INSC: variants seen among roughly 807,000 people sequenced by gnomAD.
INSC encodes the protein INSC spindle orientation adaptor protein, also known as protein inscuteable homolog.
Under a neutral mutation model 58.6 loss-of-function variants are expected in INSC, and 67 were observed. The ratio of observed to expected loss-of-function variants is 1.14; its 90% confidence interval spans 0.94 to 1.40. The LOEUF (loss-of-function observed/expected upper bound fraction) is 1.40, where lower values mean the gene tolerates loss of function less well. Among genes scored for constraint, INSC ranks in the 40% most tolerant of loss-of-function variants. INSC has a pLI of 0.00. For missense variants in INSC, 714 were observed against 692.0 expected (o/e 1.03, Z -0.36); for synonymous variants, 262 against 276.1 (o/e 0.95, Z 0.51).
chr11:15,237,819 C>T (rs1356460964), intron 10 of INSC, among the ~76,000 whole-genome samples: 1 of 152,100 alleles, frequency 6.6e-6, no homozygotes, highest in African/African-American at 2.4e-5. Context: ...ATTTGTTGTG[C>T]AGAAATGAGG....
intron 2 of INSC, among the ~76,000 whole-genome samples, chr11:15,157,796 G>A (rs1848867990): frequency 6.6e-6 from 1 of 152,236 alleles, no homozygotes; most frequent in East Asian, 1.9e-4. Context: ...GTGGGGCCAT[G>A]TGGGATTCAC....
chr11:15,143,259 G>A (rs778305095), intron 1 of INSC, among the ~76,000 whole-genome samples: 2 of 152,166 alleles, frequency 1.3e-5, no homozygotes, highest in Admixed American at 1.3e-4. Flanking sequence ...GAAATACCGA[G>A]GGGACTAGGG....
At chr11:15,132,119 G>C (rs1353140187) in intron 1 of INSC, among the ~76,000 whole-genome samples, 2 of 151,746 alleles carry the variant, frequency 1.3e-5, no homozygotes, top group African/African-American at 4.8e-5. Flanking sequence ...GGATATTATA[G>C]CATTAATAAT....
intron 12 of INSC, among the ~76,000 whole-genome samples, chr11:15,244,852 G>C (rs768570741): frequency 2.0e-5 from 3 of 152,122 alleles, no homozygotes; most frequent in South Asian, 2.1e-4. Context: ...TATATGCTCA[G>C]GAAGAGGGAA....
At chr11:15,156,207 GC>G (rs1252002908) in intron 2 of INSC, among the ~76,000 whole-genome samples, 8 of 152,168 alleles carry the variant, frequency 5.3e-5, no homozygotes, top group African/African-American at 1.9e-4. Context: ...TTGAAAACAT[GC>G]ACCCCAATTT....
chr11:15,194,025 TC>T (rs887026864), intron 6 of INSC, among the ~76,000 whole-genome samples: 31 of 152,246 alleles, frequency 2.0e-4, no homozygotes, highest in African/African-American at 7.2e-4. Context: ...CTGTAGCCAC[TC>T]CAATACTACA....
intron 7 of INSC, among the ~76,000 whole-genome samples, chr11:15,217,924 A>G (rs1851282306): frequency 6.6e-6 from 1 of 152,210 alleles, no homozygotes; most frequent in Non-Finnish European, 1.5e-5. Flanking sequence ...GTGATTATGT[A>G]TTGCTGGTGG....
intron 6 of INSC, among the ~76,000 whole-genome samples, chr11:15,194,600 AC>A (rs1343127029): frequency 6.6e-6 from 1 of 152,234 alleles, no homozygotes; most frequent in African/African-American, 2.4e-5. Context: ...GCAATAGCTA[AC>A]ATTTGAGTGT....
chr11:15,171,882 A>T (rs1849413264), intron 2 of INSC, among the ~76,000 whole-genome samples: 1 of 152,202 alleles, frequency 6.6e-6, no homozygotes, highest in Admixed American at 6.5e-5. Context: ...ATTTGGGGCA[A>T]GGAATTGGAT....
At chr11:15,215,291 A>G (rs1459956046) in intron 7 of INSC, among the ~76,000 whole-genome samples, 1 of 152,196 alleles carries the variant, frequency 6.6e-6, no homozygotes, top group Non-Finnish European at 1.5e-5. Context: ...CTTTGATTAG[A>G]TTGTTCTCTT....
At chr11:15,193,936 A>AACC (rs34781404) in intron 6 of INSC, among the ~76,000 whole-genome samples, 33,776 of 152,032 alleles carry the variant, frequency 0.22, 4,718 homozygotes, top group East Asian at 0.71. Flanking sequence ...AACTGATGCC[A>AACC]ACCACATTAA....
At chr11:15,265,735 C>T in the INSC span, among the ~76,000 whole-genome samples, 1 of 149,700 alleles carries the variant, frequency 6.7e-6, no homozygotes, top group African/African-American at 2.5e-5. Context: ...TTTGTACATT[C>T]TCTCTATTAT....
At chr11:15,168,010 T>C (rs1849261784) in intron 2 of INSC, among the ~76,000 whole-genome samples, 1 of 152,166 alleles carries the variant, frequency 6.6e-6, no homozygotes, top group Non-Finnish European at 1.5e-5. Flanking sequence ...TCATCTTCCT[T>C]TGCCCATAGC....
At chr11:15,236,365 TA>T (rs112956879) in intron 10 of INSC, among the ~76,000 whole-genome samples, 12,622 of 151,980 alleles carry the variant, frequency 0.083, 1,115 homozygotes, top group African/African-American at 0.23. Context: ...GATCCTCAAA[TA>T]AAAAAAATCT....
chr11:15,192,960 C>A (rs192152884), intron 6 of INSC, among the ~76,000 whole-genome samples: 2 of 152,256 alleles, frequency 1.3e-5, no homozygotes, highest in Admixed American at 1.3e-4. Flanking sequence ...TCATGTAATT[C>A]TCATGATTCT....
rs1851447931 is a variant in INSC at position 15,221,660 on chromosome 11, T to C, written c.991+12T>C. On this transcript the variant is annotated intron_variant, in intron 8 of 12. Transcript: ENST00000379556. ...GACAGCCCTCGTCAGTGAGTCACCC[T>C]GGGCAGCGGGACCACTAGGAGAGAG... 3 of 1,602,592 alleles carry C rather than the reference T, an allele frequency of 1.9e-6. No homozygotes were observed. The Admixed American group carries it at 5.1e-5, about 27-fold the overall frequency.
intron 6 of INSC, among the ~76,000 whole-genome samples, chr11:15,196,765 CAT>C (rs1381247185): frequency 6.6e-6 from 1 of 152,204 alleles, no homozygotes; most frequent in African/African-American, 2.4e-5. Flanking sequence ...ATACAAATAA[CAT>C]ATTTTAACCT....
chr11:15,222,711 A>G (rs1484404622), intron 8 of INSC, among the ~76,000 whole-genome samples: 2 of 152,232 alleles, frequency 1.3e-5, no homozygotes, highest in African/African-American at 4.8e-5. Flanking sequence ...ATCTGCAAGT[A>G]CTTTGCACAT....
chr11:15,216,134 C>G (rs1564908461), intron 7 of INSC, among the ~76,000 whole-genome samples: 1 of 152,070 alleles, frequency 6.6e-6, no homozygotes, highest in Non-Finnish European at 1.5e-5. Context: ...GGCAGCAAAA[C>G]CTGGTATATG....
Sources: gnomAD v4.1 joint callset for allele counts (sites outside exome capture counted in the v4.1 genomes callset) on GRCh38, gnomAD v4.1.1 for gene constraint, MANE v1.5 for transcripts, NCBI Gene and HGNC (gene_info 2026-07-23, HGNC 2026-07-21) for gene names.